Variants in CSMD1 observed in about 807,000 individuals in gnomAD.
CSMD1 encodes the protein CUB and sushi domain-containing protein 1.
In CSMD1, 213 loss-of-function variants were observed where a neutral mutation model predicts 417.5. That is an observed-to-expected ratio of 0.51 (90% confidence interval 0.46 to 0.57). The LOEUF is 0.57. Among genes scored for constraint, CSMD1 ranks in the 20% least tolerant of loss-of-function variants. The probability of loss-of-function intolerance (pLI) is 0.00; values close to 1 mark genes in which losing one functional copy is unlikely to be tolerated. For missense variants in CSMD1, 6,923 were observed against 4,529.7 expected (o/e 1.53, Z -15.17); for synonymous variants, 2,862 against 1,736.8 (o/e 1.65, Z -16.11).
At chr8:3,775,384 A>G (rs373798769) in intron 5 of CSMD1, among the ~76,000 whole-genome samples, 1 of 152,212 alleles carries the variant, frequency 6.6e-6, no homozygotes, top group African/African-American at 2.4e-5. Flanking sequence ...AGCAGGTAAC[A>G]GGCCCAGGTA....
chr8:4,493,234 A>G (rs1801797645), intron 2 of CSMD1, among the ~76,000 whole-genome samples: 1 of 152,204 alleles, frequency 6.6e-6, no homozygotes, highest in Admixed American at 6.5e-5. Flanking sequence ...ATTAGGTAAA[A>G]TAATTTAAGA....
intron 1 of CSMD1, among the ~76,000 whole-genome samples, chr8:4,933,998 CTTTTTT>C (rs71515690): frequency 0.29 from 43,492 of 151,008 alleles, 7,589 homozygotes; most frequent in Non-Finnish European, 0.4. Flanking sequence ...TACGTTTATG[CTTTTTT>C]TTTAAAAAAA....
chr8:3,380,803 T>C (rs771064540), intron 18 of CSMD1, among the ~76,000 whole-genome samples: 10 of 152,024 alleles, frequency 6.6e-5, no homozygotes, highest in Non-Finnish European at 8.8e-5. Flanking sequence ...TGATGGGTTG[T>C]TGGGTGCAGC....
intron 1 of CSMD1, among the ~76,000 whole-genome samples, chr8:4,698,623 G>C (rs1183240104): frequency 7.1e-6 from 1 of 140,392 alleles, no homozygotes; most frequent in Non-Finnish European, 1.5e-5. Context: ...GTTCTAAGGA[G>C]CAGGAAGTTT....
intron 1 of CSMD1, among the ~76,000 whole-genome samples, chr8:4,815,871 C>T (rs566572799): frequency 5.2e-4 from 79 of 152,100 alleles, no homozygotes; most frequent in African/African-American, 1.8e-3. Flanking sequence ...AAGAGTGGGA[C>T]TGCTTTGTGT....
At chr8:4,349,314 A>G (rs1413973996) in intron 3 of CSMD1, among the ~76,000 whole-genome samples, 2 of 152,198 alleles carry the variant, frequency 1.3e-5, no homozygotes, top group East Asian at 1.9e-4. Context: ...TCTACACTCT[A>G]AGACCTCCAC....
At chr8:3,934,912 C>T (rs984813567) in intron 5 of CSMD1, among the ~76,000 whole-genome samples, 3 of 152,022 alleles carry the variant, frequency 2.0e-5, no homozygotes, top group Admixed American at 6.6e-5. Context: ...CCAAGAAGAA[C>T]ATTATAAGTA....
At chr8:3,610,457 C>T (rs1411135238) in intron 8 of CSMD1, among the ~76,000 whole-genome samples, 1 of 68,364 alleles carries the variant, frequency 1.5e-5, no homozygotes, top group South Asian at 4.1e-4. Context: ...ATCATTTGAG[C>T]CCTGGAGTTC....
chr8:4,021,643 C>G (rs1366370758), intron 4 of CSMD1, among the ~76,000 whole-genome samples: 1 of 152,166 alleles, frequency 6.6e-6, no homozygotes, highest in Admixed American at 6.5e-5. Context: ...TAAACTCTCT[C>G]TCCCCATCCC....
At chr8:4,417,536 A>C (rs1277742013) in intron 3 of CSMD1, among the ~76,000 whole-genome samples, 2 of 152,078 alleles carry the variant, frequency 1.3e-5, no homozygotes, top group Non-Finnish European at 2.9e-5. Flanking sequence ...ACATGAATTT[A>C]TTATAATATG....
intron 3 of CSMD1, among the ~76,000 whole-genome samples, chr8:4,099,055 T>G (rs1801167985): frequency 6.6e-6 from 1 of 152,186 alleles, no homozygotes; most frequent in African/African-American, 2.4e-5. Flanking sequence ...GTGACACATC[T>G]GTTTTTTTCT....
chr8:3,596,799 T>A (rs555794500), intron 8 of CSMD1, among the ~76,000 whole-genome samples: 55 of 152,038 alleles, frequency 3.6e-4, no homozygotes, highest in Non-Finnish European at 5.1e-4. Context: ...CACACACACA[T>A]GCATACATGC....
rs377674703 is a variant in CSMD1 at position 3,264,479 on chromosome 8, G to C, written c.4153+19665C>G. 1.8e-4 allele frequency among the ~76,000 whole-genome samples: 28 copies of C among 152,296 alleles called. No individual in the cohort carries two copies. In the East Asian group the frequency reaches 3.3e-3, roughly 18 times the overall value. On this transcript the variant is annotated intron_variant, in intron 26 of 69. Coordinates refer to ENST00000635120, the MANE Select transcript of CSMD1 (RefSeq NM_033225.6). ...AGTTTGAATCGAGTGAGGTGATCAG[G>C]AGGCCAAAGAGAGGGAAAAATCTAA... is the stretch of plus-strand genomic sequence containing the variant.
chr8:3,812,230 C>G (rs1801129538), intron 5 of CSMD1, among the ~76,000 whole-genome samples: 1 of 152,046 alleles, frequency 6.6e-6, no homozygotes, highest in Admixed American at 6.5e-5. Context: ...TCAAAAGATA[C>G]AGGAAAGGGA....
At chr8:3,416,206 G>T (rs1438648315) in intron 12 of CSMD1, among the ~76,000 whole-genome samples, 1 of 150,446 alleles carries the variant, frequency 6.6e-6, no homozygotes, top group East Asian at 2.0e-4. Flanking sequence ...GGAGGCTGAG[G>T]CAGGAGAATG....
intron 2 of CSMD1, among the ~76,000 whole-genome samples, chr8:4,597,676 T>C (rs1382247): frequency 0.88 from 133,603 of 152,192 alleles, 58,879 homozygotes; most frequent in South Asian, 0.92. Context: ...AAAAAAAATG[T>C]TAAAGGATAT....
rs1803132325 is a variant in CSMD1, at chr8:4,877,634, C to G, written c.85+116698G>C. 3.9e-5 allele frequency among the ~76,000 whole-genome samples: 6 copies of G among 152,142 alleles called. No individual in the cohort carries two copies. The South Asian group carries it at 1.2e-3, about 32-fold the overall frequency. ...TCCTAATTTCCTAATCCTATATTTCCAAGTCCTGCCAAATATAGCCAATAA... is the reference window on the plus strand; with the variant it reads ...TCCTAATTTCCTAATCCTATATTTCGAAGTCCTGCCAAATATAGCCAATAA... On this transcript the variant is annotated intron_variant, in intron 1 of 69. Coordinates refer to ENST00000635120, the MANE Select transcript of CSMD1 (RefSeq NM_033225.6).
chr8:4,325,705 C>G (rs550839850), intron 3 of CSMD1, among the ~76,000 whole-genome samples: 1 of 152,098 alleles, frequency 6.6e-6, no homozygotes, highest in Non-Finnish European at 1.5e-5. Flanking sequence ...GGATAAAACT[C>G]AGTGATTATA....
chr8:4,624,364 G>A (rs936233981), intron 2 of CSMD1, among the ~76,000 whole-genome samples: 5 of 152,058 alleles, frequency 3.3e-5, no homozygotes, highest in African/African-American at 7.2e-5. Context: ...GAAAGTAACC[G>A]AAATCTAGAA....
Sources: allele counts gnomAD v4.1 joint callset (sites outside exome capture counted in the v4.1 genomes callset), GRCh38; gene constraint gnomAD v4.1.1; transcripts MANE v1.5; gene names NCBI Gene and HGNC (gene_info 2026-07-23, HGNC 2026-07-21).